Variants in LRRC25 observed in about 807,000 individuals in gnomAD.
LRRC25 encodes the protein leucine-rich repeat-containing protein 25.
A neutral mutation model predicts 18.8 loss-of-function variants in LRRC25; 5 were observed. That is an observed-to-expected ratio of 0.27 (90% CI 0.14 to 0.56). The LOEUF (loss-of-function observed/expected upper bound fraction) is 0.56, where lower values mean the gene tolerates loss of function less well. Among genes scored for constraint, LRRC25 ranks in the 20% least tolerant of loss-of-function variants. The probability of loss-of-function intolerance (pLI) is 0.93; values close to 1 mark genes in which losing one functional copy is unlikely to be tolerated. For missense variants in LRRC25, 341 were observed against 389.8 expected (o/e 0.87, Z 1.05); for synonymous variants, 161 against 176.8 (o/e 0.91, Z 0.71).
chr19:18,396,267 C>G lies in LRRC25; in HGVS notation c.697G>C (p.Val233Leu). ...TCGGGAGTGGAGGGGCAGGATGGCA[C>G]GGCCACTTGGGGCTTGGGGGCGCTC... The part of the protein sequence containing the change: ...SRSAPKPQVA[V>L]PSCPSTPDYE... Residue 233 changes from valine (V) to leucine (L), a missense_variant, in exon 1 of 2, where the codon GTG (valine) becomes CTG (leucine). Coordinates refer to ENST00000339007, the MANE Select transcript of LRRC25 (RefSeq NM_145256.3). 6.2e-7 allele frequency: 1 copy of G among 1,613,548 alleles called. No homozygotes were observed. The highest frequency in any genetic ancestry group is 8.5e-7 in the Non-Finnish European group (1 of 1,179,846).
At chr19:18,392,898 G>A (rs1971920131) in intron 1 of LRRC25, among the ~76,000 whole-genome samples, 1 of 152,262 alleles carries the variant, frequency 6.6e-6, no homozygotes, top group East Asian at 1.9e-4. Flanking sequence ...GCTGAGGTGG[G>A]AGGACCGCTT....
chr19:18,392,152 A>G, intron 1 of LRRC25, 27 bp from the exon 2 acceptor site: 6 of 1,608,668 alleles, frequency 3.7e-6, no homozygotes, highest in Non-Finnish European at 5.1e-6. Flanking sequence ...ACCAGGGGTA[A>G]GTGTGGGAGG....
chr19:18,391,561 C>G lies in LRRC25; in HGVS notation c.*426G>C, dbSNP rs369692302. On this transcript the variant is annotated 3_prime_UTR_variant, in exon 2 of 2. Coordinates refer to ENST00000339007, the MANE Select transcript of LRRC25 (RefSeq NM_145256.3). ...TCAAAAACAAACAAACAAACAACAA[C>G]AACAAAAAAAAACAGGGATGGGAGG... 1 of 157,924 alleles carries G rather than the reference C, an allele frequency of 6.3e-6. No individual in the cohort carries two copies. Among genetic ancestry groups the G allele is most frequent in the Non-Finnish European group, 1.4e-5 (1 of 71,110 alleles). The allele number at this position is 157,924 out of a possible 1,614,324, so 9.8% of individuals were successfully genotyped here.
chr19:18,396,940 C>T lies in LRRC25; in HGVS notation c.24G>A (p.Thr8=). Residue 8 remains threonine (T), a synonymous_variant, in exon 1 of 2, where the codon ACG becomes ACA. Coordinates refer to ENST00000339007, the MANE Select transcript of LRRC25 (RefSeq NM_145256.3). Reference sequence around the variant, plus strand: ...CCCGCAGCAGCAGCGGCAACAGCAGCGTCCATGCCAGGGTGCCCCCCATTC... The same window carrying T: ...CCCGCAGCAGCAGCGGCAACAGCAGTGTCCATGCCAGGGTGCCCCCCATTC... The part of the protein sequence containing the change: MGGTLAW[T]LLLPLLLRES... 1 of 1,609,256 alleles carries T rather than the reference C, an allele frequency of 6.2e-7. No individual in the cohort carries two copies. The highest frequency in any genetic ancestry group is 1.1e-5 in the South Asian group (1 of 91,012).
chr19:18,394,278 C>A (rs529927247), intron 1 of LRRC25, among the ~76,000 whole-genome samples: 12 of 151,148 alleles, frequency 7.9e-5, no homozygotes, highest in Non-Finnish European at 1.8e-4. Flanking sequence ...CCTAGAAAAG[C>A]TTTTCTTTTC....
At chr19:18,396,038 G>A in intron 1 of LRRC25, 147 bp downstream of exon 1, 1 of 1,023,910 alleles carries the variant, frequency 9.8e-7, no homozygotes, top group East Asian at 2.5e-5. Context: ...CATTTTATAG[G>A]TGAGGAGACT....
At position 18,397,233 on chromosome 19, in the gene LRRC25, T is replaced by G; in HGVS notation, c.-270A>C. The G allele has an allele frequency of 2.0e-6, 1 of 499,188 alleles. No individual in the cohort carries two copies. The highest frequency in any genetic ancestry group is 3.6e-6 in the Non-Finnish European group (1 of 277,858). The allele number at this position is 499,188 out of a possible 1,614,324, so 30.9% of individuals were successfully genotyped here. On this transcript the variant is annotated 5_prime_UTR_variant, in exon 1 of 2. Transcript: ENST00000339007. Reference sequence around the variant, plus strand: ...CCAGTTAACCCCTTCTTCTATGTCCTGAACATTTGGGGCGCCCTCGTTGGC... The same window carrying G: ...CCAGTTAACCCCTTCTTCTATGTCCGGAACATTTGGGGCGCCCTCGTTGGC...
At chr19:18,395,600 C>A (rs956349395) in intron 1 of LRRC25, among the ~76,000 whole-genome samples, 1 of 152,074 alleles carries the variant, frequency 6.6e-6, no homozygotes, top group Non-Finnish European at 1.5e-5. Flanking sequence ...CATCCTTGGC[C>A]GCCAGAAACT....
At position 18,392,060 on chromosome 19, in the gene LRRC25, G is replaced by A; in HGVS notation, c.845C>T (p.Pro282Leu). The change falls in exon 2 of 2, where the codon CCT (proline) becomes CTT (leucine). Residue 282 changes from proline to leucine, a missense_variant. By Grantham distance (98) the Pro-to-Leu change is moderately conservative. Coordinates refer to ENST00000339007, the MANE Select transcript of LRRC25 (RefSeq NM_145256.3). ...NYKDIDLASQ[P>L]VYCNLQSLGQ... ...CAGTGACTGCAGGTTACAGTAGACAGGCTGGGAAGCCAGGTCGATGTCCTT... is the reference window on the plus strand; with the variant it reads ...CAGTGACTGCAGGTTACAGTAGACAAGCTGGGAAGCCAGGTCGATGTCCTT... 6.2e-7 allele frequency: 1 copy of A among 1,614,172 alleles called. No individual in the cohort carries two copies. Among genetic ancestry groups the A allele is most frequent in the Non-Finnish European group, 8.5e-7 (1 of 1,180,022 alleles).
chr19:18,393,864 T>C (rs1205353722), intron 1 of LRRC25, among the ~76,000 whole-genome samples: 1 of 152,260 alleles, frequency 6.6e-6, no homozygotes, highest in African/African-American at 2.4e-5. Flanking sequence ...ACACAGTGTT[T>C]CTGGAGGCCA....
Position 18,397,119 on chromosome 19 carries a change from G to A in LRRC25, c.-156C>T, listed in dbSNP as rs1415517847. ...AGCCCCAGTCTGGTCGCCTCCTTTG[G>A]CTGGTGGGCTGCCTCAGTCTCCCCT... On this transcript the variant is annotated 5_prime_UTR_variant, in exon 1 of 2. Coordinates refer to ENST00000339007, the MANE Select transcript of LRRC25 (RefSeq NM_145256.3). The A allele has an allele frequency of 2.7e-6, 2 of 754,130 alleles. No individual in the cohort carries two copies. The highest frequency in any genetic ancestry group is 4.2e-6 in the Non-Finnish European group (2 of 477,926). 46.7% of individuals were successfully genotyped at this position (754,130 alleles called of 1,614,324 possible). A position where few individuals can be genotyped will look rare whatever the true frequency, so the allele number is the denominator to read the frequency against.
At chr19:18,395,154 G>A (rs532195557) in intron 1 of LRRC25, among the ~76,000 whole-genome samples, 6 of 152,164 alleles carry the variant, frequency 3.9e-5, no homozygotes, top group Non-Finnish European at 5.9e-5. Flanking sequence ...GGCGGATCAC[G>A]AGGTCAGGAG....
chr19:18,396,178 T>A lies in LRRC25; in HGVS notation c.779+7A>T. 3 of 1,581,064 alleles carry A rather than the reference T, an allele frequency of 1.9e-6. No individual in the cohort carries two copies. Among genetic ancestry groups the A allele is most frequent in the Non-Finnish European group, 2.6e-6 (3 of 1,157,986 alleles). Reference sequence around the variant, plus strand: ...CACTTTGGCAGGTGTCTCAGTGGCTTACTTACCCTTGTTCATCCCACTGGT... The same window carrying A: ...CACTTTGGCAGGTGTCTCAGTGGCTAACTTACCCTTGTTCATCCCACTGGT... On this transcript the variant is annotated splice_region_variant and intron_variant, in intron 1 of 1. Transcript: ENST00000339007.
At chr19:18,395,477 G>A (rs1434358754) in intron 1 of LRRC25, among the ~76,000 whole-genome samples, 1 of 152,008 alleles carries the variant, frequency 6.6e-6, no homozygotes, top group East Asian at 1.9e-4. Flanking sequence ...CCACTCTATG[G>A]AGACAGAAAT....
intron 1 of LRRC25, among the ~76,000 whole-genome samples, chr19:18,395,381 A>C: frequency 6.6e-6 from 1 of 151,878 alleles, no homozygotes; most frequent in Admixed American, 6.6e-5. Context: ...AAAAAAAAAA[A>C]AAAAAAAATC....
At position 18,396,778 on chromosome 19, in the gene LRRC25, G is replaced by C. The variant is rs143067648; in HGVS notation, c.186C>G (p.Asn62Lys). ...LPHNQSLRAS[N>K]VILLDLSGNG... is the part of the protein sequence containing the mutation. ...TCCCAGACAGGTCAAGGAGAATCAC[G>C]TTGCTGGCCCGCAGAGACTGGTTGT... Residue 62 changes from asparagine (N) to lysine (K), a missense_variant, in exon 1 of 2, where the codon AAC (asparagine) becomes AAG (lysine). Coordinates refer to ENST00000339007, the MANE Select transcript of LRRC25 (RefSeq NM_145256.3). 4 of 1,614,186 alleles carry C rather than the reference G, an allele frequency of 2.5e-6. No individual in the cohort carries two copies. In the South Asian group the frequency reaches 3.3e-5, roughly 13 times the overall value.
At position 18,392,085 on chromosome 19, in the gene LRRC25, T is replaced by C; in HGVS notation, c.820A>G (p.Lys274Glu). 6.2e-7 allele frequency: 1 copy of C among 1,614,018 alleles called. No individual in the cohort carries two copies. The highest frequency in any genetic ancestry group is 8.5e-7 in the Non-Finnish European group (1 of 1,179,986). ...SEDNDFYINY[K>E]DIDLASQPVY... ...GGCTGGGAAGCCAGGTCGATGTCCT[T>C]GTAGTTGATGTAAAAGTCATTGTCC... The change falls in exon 2 of 2, where the codon AAG becomes GAG. Residue 274 changes from lysine (K) to glutamate (E), a missense_variant. Lys to Glu is a moderately conservative substitution (Grantham distance 56). Transcript: ENST00000339007.
Position 18,397,206 on chromosome 19 carries a change from G to C in LRRC25, c.-243C>G. The stretch of plus-strand genomic sequence containing the variant: ...GCTTGGAAGGCGAGGAGGAGATCCG[G>C]GCCAGTTAACCCCTTCTTCTATGTC... On this transcript the variant is annotated 5_prime_UTR_variant, in exon 1 of 2. Coordinates refer to ENST00000339007, the MANE Select transcript of LRRC25 (RefSeq NM_145256.3). The C allele has an allele frequency of 1.8e-6, 1 of 570,026 alleles. No individual in the cohort carries two copies. The highest frequency in any genetic ancestry group is 3.1e-6 in the Non-Finnish European group (1 of 319,890). The allele number at this position is 570,026 out of a possible 1,614,324, so 35.3% of individuals were successfully genotyped here. A position where few individuals can be genotyped will look rare whatever the true frequency, so the allele number is the denominator to read the frequency against.
Position 18,396,909 on chromosome 19 carries a change from C to G in LRRC25, c.55G>C (p.Asp19His). 1 of 1,612,446 alleles carries G rather than the reference C, an allele frequency of 6.2e-7. No individual in the cohort carries two copies. Among genetic ancestry groups the G allele is most frequent in the Non-Finnish European group, 8.5e-7 (1 of 1,179,172 alleles). ...LLLPLLLRES[D>H]SLEPSCTVSS... is the part of the protein sequence containing the mutation. ...ACGGTGCACGACGGTTCTAGGCTGT[C>G]TGACTCCCGCAGCAGCAGCGGCAAC... Residue 19 changes from aspartate (D) to histidine (H), a missense_variant, in exon 1 of 2, where the codon GAC (aspartate) becomes CAC (histidine). Transcript: ENST00000339007.
Sources: allele counts gnomAD v4.1 joint callset (sites outside exome capture counted in the v4.1 genomes callset), GRCh38; gene constraint gnomAD v4.1.1; transcripts MANE v1.5; gene names NCBI Gene and HGNC (gene_info 2026-07-23, HGNC 2026-07-21).